Variants in CYP39A1 observed in about 807,000 individuals in gnomAD.
CYP39A1 encodes the protein 24-hydroxycholesterol 7-alpha-hydroxylase.
In CYP39A1, 49 loss-of-function variants were observed where a neutral mutation model predicts 58.1. The ratio of observed to expected loss-of-function variants is 0.84; its 90% confidence interval spans 0.67 to 1.07. The LOEUF (loss-of-function observed/expected upper bound fraction) is 1.07, where lower values mean the gene tolerates loss of function less well. Ranked by LOEUF, CYP39A1 falls within the 50% of genes least tolerant of loss-of-function variation. The pLI, the probability that CYP39A1 is intolerant of heterozygous loss-of-function variation, is 0.00. For synonymous variants in CYP39A1, 209 were observed against 187.6 expected (o/e 1.11, Z -0.93); for missense variants, 531 against 539.4 (o/e 0.98, Z 0.16).
chr6:46,639,363 T>C (rs1776186736), intron 3 of CYP39A1, 131 bp downstream of exon 3: 1 of 826,806 alleles, frequency 1.2e-6, no homozygotes, highest in Non-Finnish European at 1.9e-6. Flanking sequence ...AAGATTAAAA[T>C]AATCTCTTAA....
intron 10 of CYP39A1, among the ~76,000 whole-genome samples, chr6:46,576,254 C>A (rs991391756): frequency 2.0e-5 from 3 of 152,152 alleles, no homozygotes; most frequent in African/African-American, 4.8e-5. Context: ...CACCTCCCAC[C>A]AGGACCCGCC....
At chr6:46,627,704 C>A (rs983837406) in intron 6 of CYP39A1, among the ~76,000 whole-genome samples, 7 of 152,018 alleles carry the variant, frequency 4.6e-5, no homozygotes, top group Non-Finnish European at 1.0e-4. Flanking sequence ...AGGCGTGAGC[C>A]ACTTTTTTTT....
At chr6:46,635,498 G>GAACC (rs781667518) in intron 5 of CYP39A1, among the ~76,000 whole-genome samples, 71 of 152,224 alleles carry the variant, frequency 4.7e-4, no homozygotes, top group Non-Finnish European at 9.0e-4. Flanking sequence ...GCAAGCATCT[G>GAACC]AACCAAAGGT....
chr6:46,591,958 T>C (rs1219473634), intron 8 of CYP39A1, among the ~76,000 whole-genome samples: 1 of 152,190 alleles, frequency 6.6e-6, no homozygotes, highest in African/African-American at 2.4e-5. Flanking sequence ...AAAGGATAAT[T>C]AATATTTCTC....
chr6:46,575,321 C>T (rs1010568490), intron 10 of CYP39A1, among the ~76,000 whole-genome samples: 1 of 152,198 alleles, frequency 6.6e-6, no homozygotes, highest in Admixed American at 6.5e-5. Context: ...TGACTTTAGC[C>T]TTTGTTAGCT....
chr6:46,609,806 A>C (rs1050017941), intron 7 of CYP39A1, among the ~76,000 whole-genome samples: 2 of 152,254 alleles, frequency 1.3e-5, no homozygotes, highest in Admixed American at 6.5e-5. Flanking sequence ...TGCTTTAACA[A>C]AGAAAAATGA....
intron 6 of CYP39A1, among the ~76,000 whole-genome samples, chr6:46,630,115 A>AC (rs1554166459): frequency 2.7e-5 from 4 of 146,550 alleles, no homozygotes; most frequent in Admixed American, 6.6e-5. Context: ...AAACAAAACA[A>AC]AACAACAACA....
intron 10 of CYP39A1, among the ~76,000 whole-genome samples, chr6:46,578,627 A>G (rs549492421): frequency 6.6e-6 from 1 of 152,226 alleles, no homozygotes; most frequent in East Asian, 1.9e-4. Context: ...ATCCCACAGA[A>G]ATAATTTAAA....
At chr6:46,645,777 G>A (rs1762283779) in intron 1 of CYP39A1, among the ~76,000 whole-genome samples, 1 of 152,026 alleles carries the variant, frequency 6.6e-6, no homozygotes, top group African/African-American at 2.4e-5. Context: ...TTAATATGTT[G>A]ACTTTTCCAA....
chr6:46,564,472 AG>A (rs1273785296), intron 10 of CYP39A1, among the ~76,000 whole-genome samples: 1 of 152,110 alleles, frequency 6.6e-6, no homozygotes, highest in Non-Finnish European at 1.5e-5. Context: ...CTGGGATTAC[AG>A]GTGTGAGCCA....
chr6:46,607,216 T>C (rs780597673), intron 7 of CYP39A1, among the ~76,000 whole-genome samples: 9 of 152,248 alleles, frequency 5.9e-5, no homozygotes, highest in Non-Finnish European at 1.3e-4. Context: ...AATACCTGGA[T>C]ATAAATATCT....
intron 10 of CYP39A1, among the ~76,000 whole-genome samples, chr6:46,585,902 C>T (rs952549933): frequency 1.3e-5 from 2 of 152,108 alleles, no homozygotes; most frequent in African/African-American, 4.8e-5. Flanking sequence ...CTGCATGCTT[C>T]CTTGTTCATA....
rs1349039271 is a variant in CYP39A1, at chr6:46,649,432, A to G, written c.177+2974T>C. On this transcript the variant is annotated intron_variant, in intron 1 of 11. Coordinates refer to ENST00000275016, the MANE Select transcript of CYP39A1 (RefSeq NM_016593.5). Reference sequence around the variant, plus strand: ...TCAAAAGGAAGTGATTACACAAGGGAATCGTTGCAAGATCATTGCAGGTTA... The same window carrying G: ...TCAAAAGGAAGTGATTACACAAGGGGATCGTTGCAAGATCATTGCAGGTTA... Among the ~76,000 whole-genome samples the G allele has an allele frequency of 2.0e-5, 3 of 152,214 alleles. No individual in the cohort carries two copies. The South Asian group carries it at 6.2e-4, about 32-fold the overall frequency.
Position 46,625,405 on chromosome 6 carries a change from T to C in CYP39A1, c.931+13A>G, listed in dbSNP as rs1775251172. 6.3e-7 allele frequency: 1 copy of C among 1,575,522 alleles called. No homozygotes were observed. The highest frequency in any genetic ancestry group is 8.7e-7 in the Non-Finnish European group (1 of 1,154,800). On this transcript the variant is annotated intron_variant, in intron 7 of 11. Transcript: ENST00000275016. ...TTATTAGCTGTGTCTTCCTATATAA[T>C]AAGGTTTAGTACCTGCTTTGCCAAA...
chr6:46,615,398 C>T (rs1774470152), intron 7 of CYP39A1, among the ~76,000 whole-genome samples: 1 of 151,920 alleles, frequency 6.6e-6, no homozygotes, highest in Non-Finnish European at 1.5e-5. Context: ...AGTGACCCCT[C>T]GCTTAAAGAC....
intron 10 of CYP39A1, chr6:46,586,267 C>T (rs1168996111): frequency 7.1e-6 from 7 of 982,520 alleles, no homozygotes; most frequent in African/African-American, 3.5e-5. Flanking sequence ...CAAGAAACTA[C>T]AATTTTTTAA....
At chr6:46,632,241 A>C (rs753626341) in intron 5 of CYP39A1, among the ~76,000 whole-genome samples, 14 of 152,360 alleles carry the variant, frequency 9.2e-5, no homozygotes, top group Non-Finnish European at 1.8e-4. Flanking sequence ...GAGAAGGATT[A>C]CATAATTGTT....
At chr6:46,583,102 A>C in intron 10 of CYP39A1, 27 of 985,386 alleles carry the variant, frequency 2.7e-5, no homozygotes, top group Non-Finnish European at 3.3e-5. Context: ...AACATACACA[A>C]AAAGTAAAAA....
At chr6:46,616,666 C>T (rs1774628934) in intron 7 of CYP39A1, among the ~76,000 whole-genome samples, 1 of 152,018 alleles carries the variant, frequency 6.6e-6, no homozygotes, top group Admixed American at 6.6e-5. Flanking sequence ...TTTCCAAGTT[C>T]CTAAAGCAGT....
Sources: allele counts gnomAD v4.1 joint callset (sites outside exome capture counted in the v4.1 genomes callset), GRCh38; gene constraint gnomAD v4.1.1; transcripts MANE v1.5; gene names NCBI Gene and HGNC (gene_info 2026-07-23, HGNC 2026-07-21).